Variants in CSGALNACT1 observed in about 807,000 individuals in gnomAD.
CSGALNACT1 encodes the protein chondroitin sulfate N-acetylgalactosaminyltransferase 1, also known as beta4GalNAcT-1.
CSGALNACT1 carries 52 observed loss-of-function variants against 51.0 expected under a neutral mutation model. The observed-to-expected ratio is 1.02, with a 90% confidence interval of 0.82 to 1.29. The LOEUF is 1.29. CSGALNACT1 is among the 50% of genes most tolerant of loss of function. CSGALNACT1 has a pLI of 0.00. For missense variants in CSGALNACT1, 935 were observed against 679.2 expected (o/e 1.38, Z -4.19); for synonymous variants, 341 against 254.4 (o/e 1.34, Z -3.24).
chr8:19,571,943 T>C (rs1347228335), intron 3 of CSGALNACT1, among the ~76,000 whole-genome samples: 1 of 152,256 alleles, frequency 6.6e-6, no homozygotes, highest in East Asian at 1.9e-4. Flanking sequence ...GGATTAAAAC[T>C]GCCTGCCTCA....
At chr8:19,756,891 G>C (rs1053376155) in intron 1 of CSGALNACT1, among the ~76,000 whole-genome samples, 6 of 151,970 alleles carry the variant, frequency 3.9e-5, no homozygotes, top group African/African-American at 1.2e-4. Context: ...GGAGCGCAGC[G>C]GCCCCGGACC....
At chr8:19,504,060 A>G (rs946496643) in intron 4 of CSGALNACT1, among the ~76,000 whole-genome samples, 7 of 152,276 alleles carry the variant, frequency 4.6e-5, no homozygotes, top group African/African-American at 1.7e-4. Flanking sequence ...GGACACAGCT[A>G]TATTTCTGGG....
At chr8:19,665,466 C>A (rs1304106117) in intron 1 of CSGALNACT1, among the ~76,000 whole-genome samples, 1 of 152,166 alleles carries the variant, frequency 6.6e-6, no homozygotes, top group Admixed American at 6.5e-5. Flanking sequence ...GAGGCAACTG[C>A]CTCAAAGGTA....
chr8:19,486,622 T>G (rs533381328), intron 4 of CSGALNACT1, among the ~76,000 whole-genome samples: 3 of 152,162 alleles, frequency 2.0e-5, no homozygotes, highest in Non-Finnish European at 4.4e-5. Context: ...GGTGGCCACC[T>G]CTTTCTCTTC....
chr8:19,544,286 C>T (rs1466181093), intron 3 of CSGALNACT1, among the ~76,000 whole-genome samples: 1 of 151,946 alleles, frequency 6.6e-6, no homozygotes, highest in Admixed American at 6.6e-5. Flanking sequence ...TTTCTCTAAT[C>T]CAATCTTAAG....
intron 3 of CSGALNACT1, among the ~76,000 whole-genome samples, chr8:19,518,177 T>C (rs1355735660): frequency 2.0e-5 from 3 of 152,102 alleles, no homozygotes; most frequent in Admixed American, 1.3e-4. Context: ...CTTAGGCAAA[T>C]AGTAAGGGTA....
At chr8:19,666,893 G>GA (rs1564384468) in intron 1 of CSGALNACT1, among the ~76,000 whole-genome samples, 15 of 128,072 alleles carry the variant, frequency 1.2e-4, no homozygotes, top group East Asian at 9.6e-4. Context: ...AAGAGAGAGA[G>GA]GAAGTGAGGA....
intron 4 of CSGALNACT1, among the ~76,000 whole-genome samples, chr8:19,478,704 A>AC (rs34882882): frequency 0.015 from 2,292 of 151,568 alleles, 50 homozygotes; most frequent in African/African-American, 0.053. Flanking sequence ...AAAAATAATG[A>AC]CCCCCCCTTT....
chr8:19,468,444 C>G lies in CSGALNACT1; in HGVS notation c.635-9802G>C, dbSNP rs189986165. ...GTCACCTTCACAGGTGCAAACCTGT[C>G]CTAGAGGAAAGGGGAGCCGGGTCAG... On this transcript the variant is annotated intron_variant, in intron 4 of 9. Transcript: ENST00000454498. 1.1e-3 allele frequency among the ~76,000 whole-genome samples: 174 copies of G among 152,146 alleles called. 1 individual carries two copies. The highest frequency in any genetic ancestry group is 3.4e-3 in the Middle Eastern group (1 of 294).
intron 1 of CSGALNACT1, among the ~76,000 whole-genome samples, chr8:19,743,031 G>C (rs910576487): frequency 5.3e-5 from 8 of 152,176 alleles, no homozygotes; most frequent in South Asian, 2.1e-4. Flanking sequence ...TTCAGAGCCA[G>C]ATCTCATTTT....
chr8:19,616,145 G>A (rs771518781), intron 1 of CSGALNACT1, among the ~76,000 whole-genome samples: 100 of 152,188 alleles, frequency 6.6e-4, no homozygotes, highest in Non-Finnish European at 1.2e-3. Flanking sequence ...GGCACAAGAT[G>A]TATATAGTAG....
intron 3 of CSGALNACT1, among the ~76,000 whole-genome samples, chr8:19,529,299 G>C (rs1474790717): frequency 6.6e-6 from 1 of 152,154 alleles, no homozygotes; most frequent in Non-Finnish European, 1.5e-5. Flanking sequence ...GAGTGAGAGT[G>C]AGTGAGCAGT....
At chr8:19,432,575 G>A (rs1232287651) in intron 6 of CSGALNACT1, among the ~76,000 whole-genome samples, 1 of 151,978 alleles carries the variant, frequency 6.6e-6, no homozygotes, top group East Asian at 1.9e-4. Flanking sequence ...ATGCTTGATG[G>A]TATCCCATGA....
rs900491922 is a variant in CSGALNACT1 at position 19,736,527 on chromosome 8, A to T, written c.-297+21323T>A. 1.7e-3 allele frequency among the ~76,000 whole-genome samples: 265 copies of T among 152,244 alleles called. 2 individuals are homozygous for T. The highest frequency in any genetic ancestry group is 2.3e-3 in the African/African-American group (94 of 41,544). ...TTAGGTCCCAAAACCAAAAAAAAAA[A>T]AAATAAAACCAGGAATCATCCAAAG... On this transcript the variant is annotated intron_variant, in intron 1 of 1. Transcript: ENST00000517494.
At chr8:19,631,525 G>T (rs9325860) in intron 1 of CSGALNACT1, among the ~76,000 whole-genome samples, 88,611 of 151,568 alleles carry the variant, frequency 0.58, 26,223 homozygotes, top group African/African-American at 0.66. Context: ...AGAAACTTCA[G>T]CCAATCAAAT....
chr8:19,663,146 T>A (rs545647450), intron 1 of CSGALNACT1, among the ~76,000 whole-genome samples: 1 of 152,270 alleles, frequency 6.6e-6, no homozygotes, highest in South Asian at 2.1e-4. Context: ...GTCATGCCAC[T>A]CTGCCTCTAC....
intron 4 of CSGALNACT1, among the ~76,000 whole-genome samples, chr8:19,491,135 T>C (rs2074279069): frequency 6.6e-6 from 1 of 152,138 alleles, no homozygotes; most frequent in African/African-American, 2.4e-5. Context: ...CCCCTCGATC[T>C]TTTTTCTTTA....
At chr8:19,612,297 C>G (rs188314003) in intron 1 of CSGALNACT1, among the ~76,000 whole-genome samples, 1 of 151,558 alleles carries the variant, frequency 6.6e-6, no homozygotes, top group Non-Finnish European at 1.5e-5. Context: ...GAGCCAAGAT[C>G]GCACCACTGC....
At chr8:19,651,752 T>C (rs2057822477) in intron 1 of CSGALNACT1, among the ~76,000 whole-genome samples, 1 of 152,206 alleles carries the variant, frequency 6.6e-6, no homozygotes, top group South Asian at 2.1e-4. Flanking sequence ...TATGGTAGAA[T>C]GATTTTTATT....
Sources: allele counts gnomAD v4.1 joint callset (sites outside exome capture counted in the v4.1 genomes callset), GRCh38; gene constraint gnomAD v4.1.1; transcripts MANE v1.5; gene names NCBI Gene and HGNC (gene_info 2026-07-23, HGNC 2026-07-21).